The following ERG variants were observed in gnomAD, a reference collection of about 807,000 sequenced individuals.
ERG encodes the protein transcriptional regulator ERG.
In ERG, 9 loss-of-function variants were observed where a neutral mutation model predicts 55.3. The ratio of observed to expected loss-of-function variants is 0.16; its 90% CI spans 0.10 to 0.28. The LOEUF is 0.28. ERG is among the 10% of genes least tolerant of loss of function. The pLI is 1.00. For missense variants in ERG, 434 were observed against 631.6 expected (o/e 0.69, Z 3.35); for synonymous variants, 223 against 237.3 (o/e 0.94, Z 0.55).
At chr21:38,569,266 C>T (rs1568919728) in intron 2 of ERG, among the ~76,000 whole-genome samples, 1 of 152,240 alleles carries the variant, frequency 6.6e-6, no homozygotes, top group Non-Finnish European at 1.5e-5. Context: ...AATCATTCCT[C>T]ATCGCAAAAG....
rs139006698 is a variant in ERG at position 38,647,447 on chromosome 21, C to G, written c.-150+14211G>C. 6.2e-4 allele frequency among the ~76,000 whole-genome samples: 95 copies of G among 152,168 alleles called. No homozygotes were observed. In the East Asian group the frequency reaches 0.014, roughly 22 times the overall value. Reference sequence around the variant, plus strand: ...CTTTTCTGTATAAAGCACAGATATACCTAAATGTAGACATACGTATATGTA... The same window carrying G: ...CTTTTCTGTATAAAGCACAGATATAGCTAAATGTAGACATACGTATATGTA... On this transcript the variant is annotated intron_variant, in intron 1 of 10. Coordinates refer to the ERG transcript ENST00000398910.
intron 1 of ERG, among the ~76,000 whole-genome samples, chr21:38,595,509 G>A (rs1245802735): frequency 3.3e-5 from 5 of 152,086 alleles, no homozygotes; most frequent in East Asian, 1.9e-4. Context: ...CTTGAACCCC[G>A]GGGCCTGTGA....
chr21:38,599,370 G>GT (rs2060150584), intron 1 of ERG, among the ~76,000 whole-genome samples: 1 of 152,202 alleles, frequency 6.6e-6, no homozygotes, highest in Non-Finnish European at 1.5e-5. Flanking sequence ...ATGGAGAGCT[G>GT]TGGGGCAATG....
chr21:38,403,366 C>A (rs1438957256), intron 4 of ERG, 140 bp downstream of exon 4: 27 of 766,246 alleles, frequency 3.5e-5, no homozygotes, highest in Non-Finnish European at 5.8e-5. Flanking sequence ...ACATACCAAG[C>A]ATGTGGCTCC....
chr21:38,497,132 A>G (rs1278964970), intron 1 of ERG, among the ~76,000 whole-genome samples: 1 of 152,228 alleles, frequency 6.6e-6, no homozygotes, highest in African/African-American at 2.4e-5. Flanking sequence ...GATTTTTAAT[A>G]TATTATTGAA....
At position 38,429,598 on chromosome 21, in the gene ERG, C is replaced by T. The variant is rs1425885372; in HGVS notation, c.237-6037G>A. Among the ~76,000 whole-genome samples, 3 of 23,634 alleles carry T rather than the reference C, an allele frequency of 1.3e-4. 1 individual carries two copies. Among genetic ancestry groups the T allele is most frequent in the African/African-American group, 1.8e-4 (2 of 11,082 alleles). The allele number at this position is 23,634 out of a possible 152,430, so 15.5% of individuals were successfully genotyped here. A position where few individuals can be genotyped will look rare whatever the true frequency, so the allele number is the denominator to read the frequency against. On this transcript the variant is annotated intron_variant, in intron 2 of 9. Coordinates refer to ENST00000288319, the MANE Select transcript of ERG (RefSeq NM_182918.4). ...ACATATATACATATGTGTATATGTA[C>T]ATGTATACACATGTACATATATACA...
At chr21:38,630,073 AG>A (rs2060348125) in intron 1 of ERG, among the ~76,000 whole-genome samples, 1 of 152,160 alleles carries the variant, frequency 6.6e-6, no homozygotes, top group South Asian at 2.1e-4. Flanking sequence ...AGGGACAGAA[AG>A]GAGAATCCAG....
Position 38,381,603 on chromosome 21 carries a change from T to C in ERG, c.*1800A>G, listed in dbSNP as rs1705851673. 6.6e-6 allele frequency: 7 copies of C among 1,063,126 alleles called. No individual in the cohort carries two copies. In the African/African-American group the frequency reaches 9.8e-5, roughly 15 times the overall value. The allele number at this position is 1,063,126 out of a possible 1,614,324, so 65.9% of individuals were successfully genotyped here. A position where few individuals can be genotyped will look rare whatever the true frequency, so the allele number is the denominator to read the frequency against. On this transcript the variant is annotated 3_prime_UTR_variant, in exon 10 of 10. Transcript: ENST00000288319. ...GAGAAATTGCAGCTATCCATGACGC[T>C]TTATTTGCCAGTAATAATACAGTTT...
intron 1 of ERG, among the ~76,000 whole-genome samples, chr21:38,599,320 G>A (rs1039690236): frequency 2.8e-5 from 4 of 142,098 alleles, no homozygotes; most frequent in African/African-American, 1.2e-4. Context: ...GCTAGGGGAA[G>A]GGTACCATCA....
chr21:38,527,565 G>C (rs928561953), intron 2 of ERG, among the ~76,000 whole-genome samples: 2 of 152,306 alleles, frequency 1.3e-5, no homozygotes, highest in South Asian at 4.1e-4. Context: ...ACCAGGAAGG[G>C]TCTGAAGAGG....
rs1294681947 is a variant in ERG, at chr21:38,383,186, C to T, written c.*217G>A. ...CAAGGTCAGTCCACAGATGATATGT[C>T]CATATTCGTGACATTTTTAGCATCC... On this transcript the variant is annotated 3_prime_UTR_variant, in exon 10 of 10. Coordinates refer to ENST00000288319, the MANE Select transcript of ERG (RefSeq NM_182918.4). The surrounding 1 kb of genome is among the most constrained non-coding windows in gnomAD (Gnocchi z 5.7). 7.8e-7 allele frequency: 1 copy of T among 1,278,404 alleles called. No homozygotes were observed. Among genetic ancestry groups the T allele is most frequent in the Non-Finnish European group, 9.9e-7 (1 of 1,014,884 alleles). 79.2% of individuals were successfully genotyped at this position (1,278,404 alleles called of 1,614,324 possible).
intron 2 of ERG, among the ~76,000 whole-genome samples, chr21:38,529,069 T>C (rs1601193135): frequency 6.6e-6 from 1 of 150,720 alleles, no homozygotes. Flanking sequence ...AAGAAGCCAG[T>C]GTGGCCACAG....
chr21:38,484,091 A>T lies in ERG; in HGVS notation c.18+14272T>A, dbSNP rs79889423. Among the ~76,000 whole-genome samples the T allele has an allele frequency of 4.6e-3, 708 of 152,258 alleles. 10 individuals are homozygous for T. Among genetic ancestry groups the T allele is most frequent in the African/African-American group, 0.016 (673 of 41,554 alleles). On this transcript the variant is annotated intron_variant, in intron 1 of 9. Transcript: ENST00000288319. ...ACAGAACTTAAGGCATAGAACTTTAACAACACACGTTTTGAGTTACTGGTC... is the reference window on the plus strand; with the variant it reads ...ACAGAACTTAAGGCATAGAACTTTATCAACACACGTTTTGAGTTACTGGTC...
At chr21:38,472,614 C>T (rs1467468663) in intron 1 of ERG, among the ~76,000 whole-genome samples, 1 of 152,140 alleles carries the variant, frequency 6.6e-6, no homozygotes, top group Non-Finnish European at 1.5e-5. Flanking sequence ...CATCACATTG[C>T]GCAGGCCTCC....
At chr21:38,619,445 C>T (rs1285280153) in intron 1 of ERG, among the ~76,000 whole-genome samples, 1 of 152,120 alleles carries the variant, frequency 6.6e-6, no homozygotes, top group East Asian at 1.9e-4. Context: ...TCACTGTGAT[C>T]CTAGCCTGCT....
chr21:38,457,384 C>A (rs1353802086), intron 1 of ERG, among the ~76,000 whole-genome samples: 1 of 151,456 alleles, frequency 6.6e-6, no homozygotes, highest in Non-Finnish European at 1.5e-5. Flanking sequence ...TGCAGTGAGC[C>A]GAGATCATGC....
At chr21:38,368,833 A>G in the ERG span, among the ~76,000 whole-genome samples, 12,496 of 152,006 alleles carry the variant, frequency 0.082, 627 homozygotes, top group African/African-American at 0.14. Flanking sequence ...TATTCTCATC[A>G]TTTAGCTCCC....
intron 1 of ERG, among the ~76,000 whole-genome samples, chr21:38,604,925 T>C (rs1341350269): frequency 2.0e-5 from 3 of 152,266 alleles, no homozygotes; most frequent in Non-Finnish European, 4.4e-5. Flanking sequence ...GTACTTATTA[T>C]AGGGCGTATT....
chr21:38,522,324 A>AT (rs1270853819), intron 2 of ERG, among the ~76,000 whole-genome samples: 2 of 152,142 alleles, frequency 1.3e-5, no homozygotes, highest in African/African-American at 4.8e-5. Context: ...TAAAATATGC[A>AT]TTTTTGTTCC....
Sources: gnomAD v4.1 joint callset for allele counts (sites outside exome capture counted in the v4.1 genomes callset) on GRCh38, gnomAD v4.1.1 for gene constraint, Gnocchi (gnomAD v3.1) non-coding constraint, MANE v1.5 for transcripts, NCBI Gene and HGNC (gene_info 2026-07-23, HGNC 2026-07-21) for gene names.